CNTLN: variants seen among roughly 807,000 people sequenced by gnomAD.
CNTLN encodes the protein centlein, centrosomal protein.
Under a neutral mutation model 180.0 loss-of-function variants are expected in CNTLN, and 212 were observed. The observed-to-expected ratio is 1.18, with a 90% CI of 1.05 to 1.32. The LOEUF (loss-of-function observed/expected upper bound fraction) is 1.32. CNTLN is among the 40% of genes most tolerant of loss of function. The pLI, the probability that CNTLN is intolerant of heterozygous loss-of-function variation, is 0.00. For synonymous variants in CNTLN, 722 were observed against 563.1 expected, an observed-to-expected ratio of 1.28 and a Z score of -3.99; for missense variants, 2,095 against 1,610.9, an observed-to-expected ratio of 1.30 and a Z score of -5.14.
chr9:17,288,722 T>G lies in CNTLN; in HGVS notation c.984-9468T>G, dbSNP rs577259416. On this transcript the variant is annotated intron_variant, in intron 6 of 25. Transcript: ENST00000380647. ...TGGGTGCATATATATTTAGGATAGT[T>G]AGCTCTTCTTGTTGAATTGATCCCT... Among the ~76,000 whole-genome samples the G allele has an allele frequency of 6.0e-3, 827 of 138,906 alleles. 78 individuals are homozygous for G. Among genetic ancestry groups the G allele is most frequent in the Admixed American group, 9.0e-3 (127 of 14,050 alleles). The allele number at this position is 138,906 out of a possible 152,430, so 91.1% of individuals were successfully genotyped here.
At chr9:17,389,167 A>G (rs1204042146) in intron 14 of CNTLN, among the ~76,000 whole-genome samples, 2 of 152,094 alleles carry the variant, frequency 1.3e-5, no homozygotes, top group Middle Eastern at 3.2e-3. Context: ...TCATACTTCT[A>G]ACACTTGTCA....
At chr9:17,302,525 T>C (rs1720704781) in intron 7 of CNTLN, among the ~76,000 whole-genome samples, 1 of 152,138 alleles carries the variant, frequency 6.6e-6, no homozygotes, top group African/African-American at 2.4e-5. Flanking sequence ...AGTTCGTACA[T>C]AACATACCCT....
intron 7 of CNTLN, chr9:17,298,635 C>T (rs1818123934): frequency 1.9e-6 from 2 of 1,050,980 alleles, no homozygotes; most frequent in South Asian, 4.3e-5. Flanking sequence ...GTGAAACATA[C>T]TAGGAGTATA....
At position 17,267,300 on chromosome 9, in the gene CNTLN, G is replaced by T. The variant is rs183389876; in HGVS notation, c.850-6433G>T. Reference sequence around the variant, plus strand: ...TTTTATTTCTCCTTCACTTATGAAGGTTAGGTTGGCTGGATATGAAATTCT... The same window carrying T: ...TTTTATTTCTCCTTCACTTATGAAGTTTAGGTTGGCTGGATATGAAATTCT... On this transcript the variant is annotated intron_variant, in intron 5 of 25. Coordinates refer to ENST00000380647, the MANE Select transcript of CNTLN (RefSeq NM_017738.4). Among the ~76,000 whole-genome samples, 770 of 152,072 alleles carry T rather than the reference G, an allele frequency of 5.1e-3. 5 individuals carry two copies. The highest frequency in any genetic ancestry group is 8.0e-3 in the Admixed American group (122 of 15,254).
At chr9:17,263,268 C>T (rs1333004528) in intron 5 of CNTLN, among the ~76,000 whole-genome samples, 11 of 145,914 alleles carry the variant, frequency 7.5e-5, no homozygotes, top group African/African-American at 2.9e-4. Context: ...GTTCAATTCC[C>T]ACCAGTGAGT....
chr9:17,249,610 A>G (rs561502861), intron 5 of CNTLN, among the ~76,000 whole-genome samples: 7 of 151,920 alleles, frequency 4.6e-5, no homozygotes, highest in East Asian at 1.9e-4. Context: ...CGGCCCCCCA[A>G]AGTGCTGGGA....
At chr9:17,226,715 A>G (rs530409000) in intron 3 of CNTLN, among the ~76,000 whole-genome samples, 1 of 152,056 alleles carries the variant, frequency 6.6e-6, no homozygotes, top group East Asian at 1.9e-4. Context: ...CACTGTTACA[A>G]ATAAATACTT....
At chr9:17,214,375 T>TATA (rs1823572468) in intron 2 of CNTLN, among the ~76,000 whole-genome samples, 1 of 152,240 alleles carries the variant, frequency 6.6e-6, no homozygotes, top group Non-Finnish European at 1.5e-5. Flanking sequence ...GAATGTTGAA[T>TATA]ATAGGCACCC....
chr9:17,488,214 A>G (rs2134339187), intron 25 of CNTLN, among the ~76,000 whole-genome samples: 1 of 152,276 alleles, frequency 6.6e-6, no homozygotes, highest in Admixed American at 6.5e-5. Flanking sequence ...TTTTTGAAAC[A>G]TTGTCTGGAA....
intron 25 of CNTLN, chr9:17,487,325 C>T (rs1832944949): frequency 6.9e-6 from 3 of 436,304 alleles, no homozygotes; most frequent in South Asian, 5.2e-5. Context: ...AACCTCTGTG[C>T]TTGCTAGACT....
intron 8 of CNTLN, among the ~76,000 whole-genome samples, chr9:17,323,312 T>C (rs1262958135): frequency 1.3e-5 from 2 of 152,166 alleles, no homozygotes; most frequent in Admixed American, 6.5e-5. Flanking sequence ...ATTACACAGA[T>C]GTGAAGGCCT....
chr9:17,177,369 A>C (rs534924592), intron 2 of CNTLN, among the ~76,000 whole-genome samples: 7 of 152,224 alleles, frequency 4.6e-5, no homozygotes, highest in Admixed American at 1.3e-4. Flanking sequence ...AGATTGTGCC[A>C]CTGCACTCCA....
intron 18 of CNTLN, among the ~76,000 whole-genome samples, chr9:17,426,697 C>A (rs1829105283): frequency 6.6e-6 from 1 of 151,890 alleles, no homozygotes; most frequent in Admixed American, 6.6e-5. Flanking sequence ...GTCACATGTT[C>A]TTGAGGTTCT....
chr9:17,279,769 G>A (rs1341614240), intron 6 of CNTLN, among the ~76,000 whole-genome samples: 1 of 151,736 alleles, frequency 6.6e-6, no homozygotes, highest in Admixed American at 6.6e-5. Context: ...TCACTGCAAT[G>A]GTTTGAATAT....
intron 6 of CNTLN, among the ~76,000 whole-genome samples, chr9:17,286,896 G>T (rs1486348080): frequency 3.0e-5 from 4 of 134,176 alleles, no homozygotes; most frequent in Non-Finnish European, 6.2e-5. Context: ...TCAGCTTAAG[G>T]AGATTTTGGG....
chr9:17,388,143 ATTAT>A lies in CNTLN; in HGVS notation c.1988-13_1988-10del. 6.6e-7 allele frequency: 1 copy of A among 1,515,606 alleles called. No homozygotes were observed. Among genetic ancestry groups the A allele is most frequent in the Admixed American group, 1.7e-5 (1 of 58,876 alleles). The allele number at this position is 1,515,606 out of a possible 1,614,324, so 93.9% of individuals were successfully genotyped here. A position where few individuals can be genotyped will look rare whatever the true frequency, so the allele number is the denominator to read the frequency against. On this transcript the variant is annotated splice_polypyrimidine_tract_variant and intron_variant, in intron 13 of 25. Coordinates refer to ENST00000380647, the MANE Select transcript of CNTLN (RefSeq NM_017738.4). ...AGCAGTACACGTGGTATCATAATAT[ATTAT>A]TTATTCTCTACCAGAACAGCTCTTT...
chr9:17,341,467 G>C (rs778071568), intron 11 of CNTLN, among the ~76,000 whole-genome samples: 1 of 152,012 alleles, frequency 6.6e-6, no homozygotes. Flanking sequence ...ATGAATTGGC[G>C]GTCTCAGTTC....
At chr9:17,253,254 T>C (rs1268684769) in intron 5 of CNTLN, among the ~76,000 whole-genome samples, 1 of 151,856 alleles carries the variant, frequency 6.6e-6, no homozygotes, top group African/African-American at 2.4e-5. Flanking sequence ...GTATTCAGGC[T>C]CTTTTTTGGT....
At chr9:17,347,589 A>C (rs1822000296) in intron 12 of CNTLN, among the ~76,000 whole-genome samples, 1 of 151,044 alleles carries the variant, frequency 6.6e-6, no homozygotes, top group South Asian at 2.1e-4. Flanking sequence ...GAATCGCTTG[A>C]ACCCAGGAGG....
Sources: allele counts gnomAD v4.1 joint callset (sites outside exome capture counted in the v4.1 genomes callset), GRCh38; gene constraint gnomAD v4.1.1; transcripts MANE v1.5; gene names NCBI Gene and HGNC (gene_info 2026-07-23, HGNC 2026-07-21).